Variants in LATS1 observed in about 807,000 individuals in gnomAD.
The protein encoded by LATS1 is serine/threonine-protein kinase LATS1.
In LATS1, 25 loss-of-function variants were observed where a neutral mutation model predicts 106.6. That is an observed-to-expected ratio of 0.23 (90% confidence interval 0.17 to 0.33). The LOEUF is 0.33. Among genes scored for constraint, LATS1 ranks in the 10% least tolerant of loss-of-function variants. LATS1 has a pLI of 1.00. For synonymous variants in LATS1, 465 were observed against 455.6 expected (o/e 1.02, Z -0.26); for missense variants, 1,040 against 1,382.6 (o/e 0.75, Z 3.93).
rs954795588 is a variant in LATS1, at chr6:149,659,785, G to A, written c.*1944C>T. 4.4e-6 allele frequency: 1 copy of A among 225,868 alleles called. No homozygotes were observed. Among genetic ancestry groups the A allele is most frequent in the Non-Finnish European group, 8.8e-6 (1 of 113,634 alleles). 14.0% of individuals were successfully genotyped at this position (225,868 alleles called of 1,614,324 possible). On this transcript the variant is annotated 3_prime_UTR_variant, in exon 8 of 8. Coordinates refer to ENST00000543571, the MANE Select transcript of LATS1 (RefSeq NM_004690.4). The stretch of plus-strand genomic sequence containing the variant: ...TAACCAAATGTTCCATGAACCATGA[G>A]GTGAAGACTGCGATTTCATGATAGC...
At chr6:149,670,813 T>C (rs953610000) in intron 7 of LATS1, among the ~76,000 whole-genome samples, 2 of 152,014 alleles carry the variant, frequency 1.3e-5, no homozygotes, top group African/African-American at 4.8e-5. Context: ...GTTCTTTATA[T>C]ATTATAGTTT....
intron 1 of LATS1, among the ~76,000 whole-genome samples, chr6:149,707,579 C>A (rs981929499): frequency 6.6e-6 from 1 of 152,124 alleles, no homozygotes; most frequent in Admixed American, 6.6e-5. Flanking sequence ...GTCCTATAGG[C>A]TGATGTAACT....
chr6:149,718,097 C>A lies in LATS1; in HGVS notation c.-389G>T. The stretch of plus-strand genomic sequence containing the variant: ...CACTCAGTGTCGCCGCCGCCGCACT[C>A]CGCTGCAGGTTTCCCGGATGTGGGC... On this transcript the variant is annotated 5_prime_UTR_variant, in exon 1 of 8. Coordinates refer to ENST00000543571, the MANE Select transcript of LATS1 (RefSeq NM_004690.4). 1 of 291,016 alleles carries A rather than the reference C, an allele frequency of 3.4e-6. No individual in the cohort carries two copies. The highest frequency in any genetic ancestry group is 6.8e-6 in the Non-Finnish European group (1 of 148,134). The allele number at this position is 291,016 out of a possible 1,614,324, so 18.0% of individuals were successfully genotyped here.
intron 1 of LATS1, among the ~76,000 whole-genome samples, chr6:149,712,410 C>T (rs1784157542): frequency 6.6e-6 from 1 of 152,164 alleles, no homozygotes; most frequent in South Asian, 2.1e-4. Flanking sequence ...GTTGGTCAGG[C>T]TGGTCTCGAA....
At chr6:149,679,854 A>T in intron 5 of LATS1, 21 bp downstream of exon 5, 1 of 1,478,280 alleles carries the variant, frequency 6.8e-7, no homozygotes, top group African/African-American at 1.4e-5. Flanking sequence ...AAACTAAAAT[A>T]AATTTTATGA....
chr6:149,695,808 T>G (rs921800350), intron 2 of LATS1, among the ~76,000 whole-genome samples: 6 of 152,216 alleles, frequency 3.9e-5, no homozygotes, highest in African/African-American at 1.4e-4. Flanking sequence ...TTTTTAAATT[T>G]TTATTTTTTT....
intron 3 of LATS1, among the ~76,000 whole-genome samples, chr6:149,688,352 A>G (rs1782525115): frequency 1.3e-5 from 2 of 151,486 alleles, no homozygotes; most frequent in African/African-American, 4.9e-5. Context: ...TTTGTCACCT[A>G]GGCTGGAATG....
At chr6:149,692,741 C>G (rs1782836331) in intron 3 of LATS1, among the ~76,000 whole-genome samples, 1 of 150,490 alleles carries the variant, frequency 6.6e-6, no homozygotes, top group Non-Finnish European at 1.5e-5. Context: ...ATGGTGCGAT[C>G]TCAGCTTACC....
Position 149,687,702 on chromosome 6 carries a change from G to A in LATS1, c.497-3110C>T, listed in dbSNP as rs1051917143. Among the ~76,000 whole-genome samples, 4 of 152,124 alleles carry A rather than the reference G, an allele frequency of 2.6e-5. No individual in the cohort carries two copies. In the East Asian group the frequency reaches 7.7e-4, roughly 29 times the overall value. On this transcript the variant is annotated intron_variant, in intron 3 of 7. Coordinates refer to ENST00000543571, the MANE Select transcript of LATS1 (RefSeq NM_004690.4). ...CCTTCCTCAGCCTCCCAAAATGCTA[G>A]GATTATAGGCAGGAGACACTAAGCC...
In LATS1 at chr6:149,659,961, C is replaced by T. The variant is rs898488339; in HGVS notation, c.*1768G>A. 1 of 231,330 alleles carries T rather than the reference C, an allele frequency of 4.3e-6. No individual in the cohort carries two copies. The highest frequency in any genetic ancestry group is 2.2e-5 in the African/African-American group (1 of 45,254). The allele number at this position is 231,330 out of a possible 1,614,324, so 14.3% of individuals were successfully genotyped here. A position where few individuals can be genotyped will look rare whatever the true frequency, so the allele number is the denominator to read the frequency against. ...GCATTCATAAGGTCACCTTATATCACATGCTACAGACCTTTTCCATCACAA... is the reference window on the plus strand; with the variant it reads ...GCATTCATAAGGTCACCTTATATCATATGCTACAGACCTTTTCCATCACAA... On this transcript the variant is annotated 3_prime_UTR_variant, in exon 8 of 8. Transcript: ENST00000543571.
Position 149,684,216 on chromosome 6 carries a change from G to A in LATS1, c.873C>T (p.Val291=). 1 of 1,614,200 alleles carries A rather than the reference G, an allele frequency of 6.2e-7. No homozygotes were observed. The highest frequency in any genetic ancestry group is 8.5e-7 in the Non-Finnish European group (1 of 1,180,032). ...MEYVISRISP[V]PPGAWQEGYP... is the part of the protein sequence containing the mutation. ...AGCCCTCTTGCCATGCCCCAGGTGG[G>A]ACAGGAGAGATTCGGGAGATTACGT... The change falls in exon 4 of 8, where the codon GTC becomes GTT. Residue 291 remains valine, a synonymous_variant. Transcript: ENST00000543571.
intron 5 of LATS1, among the ~76,000 whole-genome samples, chr6:149,678,097 A>C (rs1236128892): frequency 6.8e-6 from 1 of 147,590 alleles, no homozygotes; most frequent in Non-Finnish European, 1.5e-5. Context: ...GAGGCAGGCA[A>C]ATCATGAGGT....
At chr6:149,709,225 A>C (rs1041507738) in intron 1 of LATS1, among the ~76,000 whole-genome samples, 5 of 152,186 alleles carry the variant, frequency 3.3e-5, no homozygotes, top group Non-Finnish European at 5.9e-5. Context: ...GTTGGAATTC[A>C]GGCACAGCTG....
chr6:149,688,797 A>C (rs944661146), intron 3 of LATS1, among the ~76,000 whole-genome samples: 4 of 152,220 alleles, frequency 2.6e-5, no homozygotes, highest in Non-Finnish European at 4.4e-5. Flanking sequence ...TGAATGAAAC[A>C]TAAATGGCAT....
chr6:149,677,196 A>C (rs1437997445), intron 5 of LATS1, among the ~76,000 whole-genome samples: 1 of 152,262 alleles, frequency 6.6e-6, no homozygotes, highest in African/African-American at 2.4e-5. Context: ...ACAGAGAATC[A>C]ACACAGGGTG....
chr6:149,690,027 A>T (rs1413222271), intron 3 of LATS1, among the ~76,000 whole-genome samples: 1 of 151,942 alleles, frequency 6.6e-6, no homozygotes, highest in East Asian at 1.9e-4. Context: ...TCTACCTCAA[A>T]GTGTTATCTG....
chr6:149,715,592 G>A (rs758336099), intron 1 of LATS1, among the ~76,000 whole-genome samples: 8 of 152,018 alleles, frequency 5.3e-5, no homozygotes, highest in Non-Finnish European at 1.2e-4. Flanking sequence ...TGCACATAAC[G>A]AAATTAGTTA....
In LATS1 at chr6:149,660,093, G is replaced by A; in HGVS notation, c.*1636C>T. The A allele has an allele frequency of 4.3e-6, 1 of 232,430 alleles. No individual in the cohort carries two copies. Among genetic ancestry groups the A allele is most frequent in the Non-Finnish European group, 8.5e-6 (1 of 117,626 alleles). 14.4% of individuals were successfully genotyped at this position (232,430 alleles called of 1,614,324 possible). A position where few individuals can be genotyped will look rare whatever the true frequency, so the allele number is the denominator to read the frequency against. The stretch of plus-strand genomic sequence containing the variant: ...ATGGCACAGAGGTCCATAACCTACA[G>A]CCTGTGATAGGTTTCAATATGTCCA... On this transcript the variant is annotated 3_prime_UTR_variant, in exon 8 of 8. Coordinates refer to ENST00000543571, the MANE Select transcript of LATS1 (RefSeq NM_004690.4).
intron 1 of LATS1, among the ~76,000 whole-genome samples, chr6:149,714,420 A>G (rs1010140685): frequency 6.6e-6 from 1 of 152,218 alleles, no homozygotes; most frequent in African/African-American, 2.4e-5. Context: ...GAAAGATTCC[A>G]TTGTGACATA....
Sources: allele counts gnomAD v4.1 joint callset (sites outside exome capture counted in the v4.1 genomes callset), GRCh38; gene constraint gnomAD v4.1.1; transcripts MANE v1.5; gene names NCBI Gene and HGNC (gene_info 2026-07-23, HGNC 2026-07-21).